RYR2: variants seen among roughly 807,000 people sequenced by gnomAD.
RYR2 encodes cardiac muscle ryanodine receptor-calcium release channel.
Under a neutral mutation model 601.1 loss-of-function variants are expected in RYR2, and 227 were observed. The ratio of observed to expected loss-of-function variants is 0.38; its 90% CI spans 0.34 to 0.42. RYR2 has a LOEUF of 0.42. RYR2 is among the 10% of genes least tolerant of loss of function. The pLI, the probability that RYR2 is intolerant of heterozygous loss-of-function variation, is 1.00. For missense variants in RYR2, 4,646 were observed against 6,156.5 expected (o/e 0.75, Z 8.21); for synonymous variants, 2,223 against 2,175.1 (o/e 1.02, Z -0.61).
chr1:237,797,457 A>T (rs2149402321), intron 96 of RYR2, among the ~76,000 whole-genome samples: 1 of 152,290 alleles, frequency 6.6e-6, no homozygotes, highest in African/African-American at 2.4e-5. Context: ...TGAAGGGTTG[A>T]AATTGAGACC....
chr1:237,567,587 C>G (rs1234204666), intron 28 of RYR2, among the ~76,000 whole-genome samples: 1 of 151,806 alleles, frequency 6.6e-6, no homozygotes, highest in South Asian at 2.1e-4. Flanking sequence ...GAGACCTTGT[C>G]TCAAAACAAA....
chr1:237,395,118 C>T (rs545741960), intron 10 of RYR2, among the ~76,000 whole-genome samples: 96 of 152,196 alleles, frequency 6.3e-4, no homozygotes, highest in African/African-American at 2.1e-3. Context: ...GAGGTTTGGG[C>T]GGGGACACAA....
At chr1:237,124,769 T>G (rs1220020270) in intron 1 of RYR2, among the ~76,000 whole-genome samples, 1 of 152,106 alleles carries the variant, frequency 6.6e-6, no homozygotes, top group Non-Finnish European at 1.5e-5. Flanking sequence ...TGTGGGCCCT[T>G]TTTTTTGGTG....
At chr1:237,667,564 A>G (rs549928244) in intron 57 of RYR2, among the ~76,000 whole-genome samples, 1 of 152,338 alleles carries the variant, frequency 6.6e-6, no homozygotes, top group African/African-American at 2.4e-5. Flanking sequence ...AAGGCTTTGG[A>G]AATTAAAACA....
At chr1:237,631,833 T>G (rs1021638700) in intron 42 of RYR2, among the ~76,000 whole-genome samples, 1 of 150,004 alleles carries the variant, frequency 6.7e-6, no homozygotes, top group African/African-American at 2.5e-5. Context: ...TTTCACTGTG[T>G]TAGCCAGGAT....
chr1:237,581,076 G>A (rs1480695792), intron 29 of RYR2, among the ~76,000 whole-genome samples: 2 of 152,108 alleles, frequency 1.3e-5, no homozygotes, highest in South Asian at 2.1e-4. Context: ...TTATTCTTAC[G>A]GGAACAGCCT....
chr1:237,702,072 A>G lies in RYR2; in HGVS notation c.9449+13A>G. On this transcript the variant is annotated intron_variant, in intron 66 of 104. Coordinates refer to ENST00000366574, the MANE Select transcript of RYR2 (RefSeq NM_001035.3). The stretch of plus-strand genomic sequence containing the variant: ...TTTACGTGGAGAGGTAAGAATGTTT[A>G]AAGTTTAACTTTGTATTAATTGCTG... The G allele has an allele frequency of 6.8e-7, 1 of 1,472,200 alleles. No individual in the cohort carries two copies. Among genetic ancestry groups the G allele is most frequent in the Non-Finnish European group, 9.5e-7 (1 of 1,053,052 alleles). The allele number at this position is 1,472,200 out of a possible 1,614,324, so 91.2% of individuals were successfully genotyped here.
chr1:237,436,954 T>G (rs1475027978), intron 12 of RYR2, among the ~76,000 whole-genome samples: 1 of 151,484 alleles, frequency 6.6e-6, no homozygotes, highest in African/African-American at 2.4e-5. Context: ...TCATTATGAG[T>G]CAGGTTGGTA....
intron 10 of RYR2, among the ~76,000 whole-genome samples, chr1:237,400,548 G>C (rs1472329063): frequency 6.6e-6 from 1 of 152,184 alleles, no homozygotes; most frequent in Non-Finnish European, 1.5e-5. Flanking sequence ...GCTTTACCAA[G>C]AATGATTAGG....
intron 1 of RYR2, among the ~76,000 whole-genome samples, chr1:237,127,874 G>A (rs1423111040): frequency 8.6e-5 from 13 of 151,390 alleles, no homozygotes; most frequent in African/African-American, 2.2e-4. Context: ...GATGGCGGCC[G>A]GGCGGAGACG....
chr1:237,088,271 G>A (rs1309242543), intron 1 of RYR2, among the ~76,000 whole-genome samples: 2 of 152,116 alleles, frequency 1.3e-5, no homozygotes, highest in Non-Finnish European at 2.9e-5. Context: ...AACGCAGATG[G>A]TTAGTGAGGT....
chr1:237,722,660 G>A (rs970434250), intron 73 of RYR2, among the ~76,000 whole-genome samples: 1 of 151,980 alleles, frequency 6.6e-6, no homozygotes, highest in African/African-American at 2.4e-5. Context: ...GTCTCGATCT[G>A]CTGACCTCAT....
intron 1 of RYR2, among the ~76,000 whole-genome samples, chr1:237,115,123 C>G (rs1572685384): frequency 6.6e-6 from 1 of 152,074 alleles, no homozygotes; most frequent in South Asian, 2.1e-4. Context: ...TCTGTCGGTA[C>G]CTTTGCTGGC....
At chr1:237,694,705 G>C (rs2149001468) in intron 63 of RYR2, among the ~76,000 whole-genome samples, 1 of 152,162 alleles carries the variant, frequency 6.6e-6, no homozygotes, top group Non-Finnish European at 1.5e-5. Context: ...GAATTTCCTG[G>C]CTTTGAAAAA....
Position 237,503,468 on chromosome 1 carries a change from A to G in RYR2, c.2576A>G (p.Gln859Arg). The G allele has an allele frequency of 6.2e-7, 1 of 1,613,936 alleles. No individual in the cohort carries two copies. Among genetic ancestry groups the G allele is most frequent in the Middle Eastern group, 1.6e-4 (1 of 6,062 alleles). ...DLLGPTVSLT[Q>R]AAFTPIPVDT... is the part of the protein sequence containing the mutation. ...CTGGGCCCCACAGTTTCCCTGACGC[A>G]AGCTGCCTTCACACCCATCCCTGTG... The change falls in exon 22 of 105, where the codon CAA becomes CGA. Residue 859 changes from glutamine to arginine, a missense_variant. Around this residue, in one of 17 missense-constraint regions of RYR2, gnomAD observed 1,807 missense variants for 2,088.1 expected, o/e 0.87. Coordinates refer to ENST00000366574, the MANE Select transcript of RYR2 (RefSeq NM_001035.3).
At chr1:237,129,879 TA>T (rs1671967006) in intron 1 of RYR2, among the ~76,000 whole-genome samples, 1 of 152,134 alleles carries the variant, frequency 6.6e-6, no homozygotes, top group African/African-American at 2.4e-5. Flanking sequence ...ATGTGGAATC[TA>T]AAAAAGTTTA....
intron 1 of RYR2, among the ~76,000 whole-genome samples, chr1:237,209,004 A>G (rs1682232862): frequency 7.3e-6 from 1 of 136,438 alleles, no homozygotes; most frequent in African/African-American, 2.7e-5. Flanking sequence ...TAATTGAACT[A>G]TGATTCAGCC....
chr1:237,225,611 C>T (rs1423167260), intron 1 of RYR2, among the ~76,000 whole-genome samples: 1 of 152,156 alleles, frequency 6.6e-6, no homozygotes, highest in African/African-American at 2.4e-5. Context: ...GGAGACACAG[C>T]CAGACCCTAT....
At position 237,798,128 on chromosome 1, in the gene RYR2, G is replaced by A. The variant is rs753553713; in HGVS notation, c.14048G>A (p.Arg4683Lys). Reference sequence around the variant, plus strand: ...GCAGCTCTGGACTTCAGTGATGCCAGAGAAAAGAAGAAGCCAAAGAAAGAC... The same window carrying A: ...GCAGCTCTGGACTTCAGTGATGCCAAAGAAAAGAAGAAGCCAAAGAAAGAC... Reference protein sequence around the residue: ...DKAALDFSDAREKKKPKKDSS... With the variant: ...DKAALDFSDAKEKKKPKKDSS... The change falls in exon 97 of 105, where the codon AGA becomes AAA. Residue 4683 changes from arginine to lysine, a missense_variant. Physicochemically the swap from Arg to Lys is conservative, Grantham distance 26. This residue lies in a region of RYR2 where 76 missense variants were observed against 97.4 expected (regional missense o/e 0.78). Transcript: ENST00000366574. 3.1e-6 allele frequency: 5 copies of A among 1,612,198 alleles called. No individual in the cohort carries two copies. In the East Asian group the frequency reaches 6.7e-5, roughly 22 times the overall value.
Sources: allele counts gnomAD v4.1 joint callset (sites outside exome capture counted in the v4.1 genomes callset), GRCh38; gene constraint gnomAD v4.1.1; regional missense constraint gnomAD v4.1.1; transcripts MANE v1.5; gene names NCBI Gene and HGNC (gene_info 2026-07-23, HGNC 2026-07-21).